Variants in KCNH5 observed in about 807,000 individuals in gnomAD.
KCNH5 encodes the protein voltage-gated delayed rectifier potassium channel KCNH5.
In KCNH5, 46 loss-of-function variants were observed where a neutral mutation model predicts 96.1. That is an observed-to-expected ratio of 0.48 (90% CI 0.38 to 0.61). The LOEUF (loss-of-function observed/expected upper bound fraction) is 0.61, where lower values mean the gene tolerates loss of function less well. KCNH5 is among the 20% of genes least tolerant of loss of function. The pLI is 0.00. For synonymous variants in KCNH5, 439 were observed against 449.8 expected (o/e 0.98, Z 0.30); for missense variants, 907 against 1,225.8 (o/e 0.74, Z 3.88).
chr14:62,833,423 GC>G (rs2140029798), intron 8 of KCNH5, among the ~76,000 whole-genome samples: 1 of 152,046 alleles, frequency 6.6e-6, no homozygotes, highest in East Asian at 1.9e-4. Context: ...TACTACTGAA[GC>G]TTTTGTCAAC....
At position 62,702,962 on chromosome 14, in the gene KCNH5, A is replaced by C. The variant is rs1200149312; in HGVS notation, c.*4546T>G. 4 of 151,934 alleles carry C rather than the reference A, an allele frequency of 2.6e-5. No homozygotes were observed. Among genetic ancestry groups the C allele is most frequent in the African/African-American group, 9.7e-5 (4 of 41,444 alleles). The allele number at this position is 151,934 out of a possible 1,614,324, so 9.4% of individuals were successfully genotyped here. On this transcript the variant is annotated 3_prime_UTR_variant, in exon 11 of 11. Coordinates refer to ENST00000322893, the MANE Select transcript of KCNH5 (RefSeq NM_139318.5). The stretch of plus-strand genomic sequence containing the variant: ...ACTACTCTAGTTTTTATTTGTATAA[A>C]TTTAAGGGGTACACATTCAGTTTTG...
At chr14:62,907,703 C>G (rs1336600179) in intron 7 of KCNH5, among the ~76,000 whole-genome samples, 1 of 152,172 alleles carries the variant, frequency 6.6e-6, no homozygotes. Flanking sequence ...CTAGTCATTC[C>G]GTTTTGTCAT....
intron 6 of KCNH5, among the ~76,000 whole-genome samples, chr14:62,958,139 T>C (rs534023814): frequency 3.3e-5 from 5 of 152,322 alleles, no homozygotes; most frequent in African/African-American, 1.2e-4. Context: ...GATATGGGTG[T>C]GTAAAGTAAG....
chr14:63,018,737 T>TA (rs1197651103), intron 1 of KCNH5, among the ~76,000 whole-genome samples: 4 of 151,818 alleles, frequency 2.6e-5, no homozygotes, highest in Non-Finnish European at 5.9e-5. Flanking sequence ...GCCTGATTTT[T>TA]AAAAAAATGT....
chr14:62,772,181 A>ATTTTGTATTTTC (rs1555355591), intron 10 of KCNH5, among the ~76,000 whole-genome samples: 128 of 152,182 alleles, frequency 8.4e-4, no homozygotes, highest in Non-Finnish European at 1.5e-3. Flanking sequence ...AAAATATTCA[A>ATTTTGTATTTTC]TTTTGTATTT....
At chr14:62,925,784 T>G (rs963901810) in intron 7 of KCNH5, among the ~76,000 whole-genome samples, 1 of 152,068 alleles carries the variant, frequency 6.6e-6, no homozygotes, top group Admixed American at 6.6e-5. Flanking sequence ...TGAAGTTAGA[T>G]TCCCAATTAT....
chr14:62,875,267 C>A (rs931581850), intron 7 of KCNH5, among the ~76,000 whole-genome samples: 3 of 151,374 alleles, frequency 2.0e-5, no homozygotes, highest in Admixed American at 2.0e-4. Flanking sequence ...CCATACTGCC[C>A]AAGGTAATTT....
chr14:62,988,472 C>T (rs1405910257), intron 4 of KCNH5, among the ~76,000 whole-genome samples: 1 of 152,068 alleles, frequency 6.6e-6, no homozygotes, highest in African/African-American at 2.4e-5. Flanking sequence ...TACTACTATT[C>T]TTCAGGCTGA....
At chr14:62,866,725 T>C (rs1450591041) in intron 7 of KCNH5, among the ~76,000 whole-genome samples, 1 of 152,068 alleles carries the variant, frequency 6.6e-6, no homozygotes, top group African/African-American at 2.4e-5. Flanking sequence ...ACTTTACAGG[T>C]GCTTTCAAGT....
intron 4 of KCNH5, among the ~76,000 whole-genome samples, chr14:62,996,655 A>G (rs1890910319): frequency 6.6e-6 from 1 of 152,228 alleles, no homozygotes; most frequent in African/African-American, 2.4e-5. Context: ...AGAAAAGTCA[A>G]CACTTCAACA....
At chr14:62,839,140 A>G (rs936227200) in intron 8 of KCNH5, among the ~76,000 whole-genome samples, 2 of 152,200 alleles carry the variant, frequency 1.3e-5, no homozygotes, top group African/African-American at 2.4e-5. Context: ...ATTATATTGT[A>G]TACTTATAAC....
intron 10 of KCNH5, among the ~76,000 whole-genome samples, chr14:62,769,989 A>G (rs1213362423): frequency 6.6e-6 from 1 of 152,222 alleles, no homozygotes; most frequent in Non-Finnish European, 1.5e-5. Context: ...CTTTTGTTGC[A>G]AGTGTGGACA....
intron 8 of KCNH5, among the ~76,000 whole-genome samples, chr14:62,806,046 T>G (rs1474980313): frequency 1.3e-5 from 2 of 152,214 alleles, no homozygotes; most frequent in South Asian, 4.1e-4. Context: ...TAAAACAGGT[T>G]GCAGTAAAGA....
chr14:62,809,211 C>G (rs1196624199), intron 8 of KCNH5, among the ~76,000 whole-genome samples: 1 of 152,102 alleles, frequency 6.6e-6, no homozygotes, highest in Non-Finnish European at 1.5e-5. Flanking sequence ...ACTGATTTCT[C>G]CAGAATTTGG....
intron 8 of KCNH5, among the ~76,000 whole-genome samples, chr14:62,811,511 T>C (rs141679247): frequency 6.6e-6 from 1 of 152,328 alleles, no homozygotes; most frequent in Non-Finnish European, 1.5e-5. Flanking sequence ...GATTTATCTG[T>C]CAAAGCACAG....
At chr14:63,005,399 G>T (rs145220369) in intron 3 of KCNH5, among the ~76,000 whole-genome samples, 117 of 152,292 alleles carry the variant, frequency 7.7e-4, no homozygotes, top group African/African-American at 2.5e-3. Flanking sequence ...TAAATGGAGA[G>T]GATAAATTAT....
intron 1 of KCNH5, among the ~76,000 whole-genome samples, chr14:63,031,960 T>C (rs985234067): frequency 6.6e-6 from 1 of 152,088 alleles, no homozygotes; most frequent in African/African-American, 2.4e-5. Flanking sequence ...TTACCTTTTT[T>C]ATGCAAATTA....
chr14:62,759,487 T>C (rs1873092384), intron 10 of KCNH5, among the ~76,000 whole-genome samples: 1 of 151,966 alleles, frequency 6.6e-6, no homozygotes, highest in Non-Finnish European at 1.5e-5. Flanking sequence ...ATTTGTTTTA[T>C]AACATTTGCT....
At chr14:62,714,496 A>G (rs1040092267) in intron 10 of KCNH5, among the ~76,000 whole-genome samples, 1 of 152,200 alleles carries the variant, frequency 6.6e-6, no homozygotes, top group Non-Finnish European at 1.5e-5. Flanking sequence ...TCATAATCCA[A>G]TTGAATCTTT....
Sources: allele counts gnomAD v4.1 joint callset (sites outside exome capture counted in the v4.1 genomes callset), GRCh38; gene constraint gnomAD v4.1.1; transcripts MANE v1.5; gene names NCBI Gene and HGNC (gene_info 2026-07-23, HGNC 2026-07-21).